TMEM131: variants seen among roughly 807,000 people sequenced by gnomAD.
TMEM131 encodes transmembrane protein 131, also known as 2610524E03Rik.
In TMEM131, 66 loss-of-function variants were observed where a neutral mutation model predicts 211.6. That is an observed-to-expected ratio of 0.31 (90% CI 0.26 to 0.38). The LOEUF (loss-of-function observed/expected upper bound fraction) is 0.38. TMEM131 is among the 10% of genes least tolerant of loss of function. The pLI is 1.00. For missense variants in TMEM131, 2,036 were observed against 2,299.3 expected, an observed-to-expected ratio of 0.89 and a Z score of 2.34; for synonymous variants, 844 against 841.3, an observed-to-expected ratio of 1.00 and a Z score of -0.06.
At chr2:97,883,388 G>C (rs755342440) in intron 4 of TMEM131, among the ~76,000 whole-genome samples, 14 of 152,028 alleles carry the variant, frequency 9.2e-5, no homozygotes, top group Non-Finnish European at 1.5e-4. Context: ...GCTTGTACTG[G>C]AGTTCATCTA....
At chr2:97,830,210 A>C (rs1272616262) in intron 11 of TMEM131, among the ~76,000 whole-genome samples, 1 of 152,000 alleles carries the variant, frequency 6.6e-6, no homozygotes, top group Non-Finnish European at 1.5e-5. Flanking sequence ...GCCAACAAAC[A>C]AACCCAAGAC....
At position 97,792,874 on chromosome 2, in the gene TMEM131, T is replaced by C. The variant is rs1559362206; in HGVS notation, c.3656A>G (p.His1219Arg). The C allele has an allele frequency of 1.9e-6, 3 of 1,613,632 alleles. No individual in the cohort carries two copies. The highest frequency in any genetic ancestry group is 2.5e-6 in the Non-Finnish European group (3 of 1,179,866). Residue 1219 changes from histidine to arginine, a missense_variant, in exon 31 of 41, where the codon CAC (histidine) becomes CGC (arginine). Physicochemically the swap from His to Arg is conservative, Grantham distance 29. This residue lies in a region of TMEM131 where 1,623 missense variants were observed against 1,805.9 expected (regional missense o/e 0.90). Coordinates refer to ENST00000186436, the MANE Select transcript of TMEM131 (RefSeq NM_015348.2). ...GSHKQCGPSV[H>R]PHSSHSNRNS... ...TCTATTGCTGTGACTGCTGTGTGGG[T>C]GGACCGATGGGCCACACTGCTTATG...
At chr2:97,924,624 C>G (rs911913895) in intron 2 of TMEM131, among the ~76,000 whole-genome samples, 2 of 152,140 alleles carry the variant, frequency 1.3e-5, no homozygotes, top group African/African-American at 4.8e-5. Flanking sequence ...CTGGTGAGGC[C>G]CAGGTGAGTT....
intron 1 of TMEM131, among the ~76,000 whole-genome samples, chr2:97,966,838 C>G (rs1413942403): frequency 6.6e-6 from 1 of 152,166 alleles, no homozygotes; most frequent in African/African-American, 2.4e-5. Context: ...CTCAAGGTCA[C>G]AGTCAAGCCC....
intron 12 of TMEM131, 132 bp downstream of exon 12, chr2:97,818,481 G>GGGGGGGGAAAAA: frequency 3.4e-6 from 1 of 292,102 alleles, no homozygotes. Context: ...GGCGGGGGGG[G>GGGGGGGGAAAAA]ATCAACCTAA....
intron 12 of TMEM131, among the ~76,000 whole-genome samples, chr2:97,817,449 C>T (rs6719556): frequency 0.75 from 113,845 of 151,738 alleles, 44,395 homozygotes; most frequent in African/African-American, 0.87. Context: ...TTAGCCGCCT[C>T]CTCCTCTGTA....
chr2:97,984,625 T>C (rs1366767049), intron 1 of TMEM131, among the ~76,000 whole-genome samples: 2 of 151,892 alleles, frequency 1.3e-5, no homozygotes, highest in East Asian at 1.9e-4. Context: ...TGAACTCTCT[T>C]GGAAATTAAA....
At position 97,772,286 on chromosome 2, in the gene TMEM131, A is replaced by G. The variant is rs775182334; in HGVS notation, c.4448+11T>C. 8 of 1,595,750 alleles carry G rather than the reference A, an allele frequency of 5.0e-6. No individual in the cohort carries two copies. In the African/African-American group the frequency reaches 8.2e-5, roughly 16 times the overall value. ...ATAGACCTTATTTCTCTGTACACTTATTTCTCTCACCTGGGTTTCACATCT... is the reference window on the plus strand; with the variant it reads ...ATAGACCTTATTTCTCTGTACACTTGTTTCTCTCACCTGGGTTTCACATCT... On this transcript the variant is annotated intron_variant, in intron 33 of 40. Coordinates refer to ENST00000186436, the MANE Select transcript of TMEM131 (RefSeq NM_015348.2).
At chr2:97,797,873 C>T (rs1680838643) in intron 25 of TMEM131, among the ~76,000 whole-genome samples, 1 of 152,216 alleles carries the variant, frequency 6.6e-6, no homozygotes. Flanking sequence ...ATCAGCTAGA[C>T]ACATTAGCAC....
intron 11 of TMEM131, among the ~76,000 whole-genome samples, chr2:97,820,359 G>A (rs1014462603): frequency 5.9e-5 from 9 of 152,180 alleles, no homozygotes; most frequent in Non-Finnish European, 1.2e-4. Flanking sequence ...AGTAGAGTTT[G>A]AACTGTAAGA....
chr2:97,760,955 A>G, intron 36 of TMEM131, 41 bp from the exon 37 acceptor site: 1 of 1,610,634 alleles, frequency 6.2e-7, no homozygotes, highest in Non-Finnish European at 8.5e-7. Context: ...CCTCATCAGC[A>G]GTGCCCTGTC....
chr2:97,885,487 C>T (rs1307752997), intron 4 of TMEM131, among the ~76,000 whole-genome samples: 2 of 152,114 alleles, frequency 1.3e-5, no homozygotes, highest in Non-Finnish European at 2.9e-5. Context: ...CGCGCCCGGC[C>T]GTTTGTGAAA....
intron 4 of TMEM131, among the ~76,000 whole-genome samples, chr2:97,882,607 G>C (rs911458605): frequency 6.6e-6 from 1 of 152,158 alleles, no homozygotes; most frequent in Non-Finnish European, 1.5e-5. Flanking sequence ...GTGCCCTTGG[G>C]GTTCCAGCCC....
At chr2:97,908,719 T>C (rs767218742) in intron 2 of TMEM131, 21 bp from the exon 3 acceptor site, 2 of 1,596,058 alleles carry the variant, frequency 1.3e-6, no homozygotes, top group Non-Finnish European at 1.7e-6. Context: ...AATAAAATAA[T>C]GATTAAAAAA....
chr2:97,910,145 T>C (rs1214769102), intron 2 of TMEM131, among the ~76,000 whole-genome samples: 1 of 152,084 alleles, frequency 6.6e-6, no homozygotes, highest in Non-Finnish European at 1.5e-5. Flanking sequence ...CACTAACCAT[T>C]AGGGAAATGC....
chr2:97,976,370 A>G lies in TMEM131; in HGVS notation c.187+19106T>C, dbSNP rs374581602. On this transcript the variant is annotated intron_variant, in intron 1 of 40. Coordinates refer to ENST00000186436, the MANE Select transcript of TMEM131 (RefSeq NM_015348.2). The stretch of plus-strand genomic sequence containing the variant: ...CAAGATCAACATAAAATTTACTTCT[A>G]TATACTAGCAATGAACCAGAAATTG... Among the ~76,000 whole-genome samples, 12 of 152,328 alleles carry G rather than the reference A, an allele frequency of 7.9e-5. No individual in the cohort carries two copies. In the East Asian group the frequency reaches 2.1e-3, roughly 27 times the overall value.
At position 97,794,988 on chromosome 2, in the gene TMEM131, C is replaced by T. The variant is rs778446290; in HGVS notation, c.3328G>A (p.Ala1110Thr). 5.6e-6 allele frequency: 9 copies of T among 1,612,228 alleles called. No individual in the cohort carries two copies. The highest frequency in any genetic ancestry group is 6.8e-6 in the Non-Finnish European group (8 of 1,179,032). Residue 1110 changes from alanine to threonine, a missense_variant, in exon 29 of 41, where the codon GCC (alanine) becomes ACC (threonine). Ala to Thr is a moderately conservative substitution (Grantham distance 58). Transcript: ENST00000186436. ...AGTTCCCAGTTAGGTCTGGGTAGGGCTTCTGCACAGGTTGCTAACATATGG... is the reference window on the plus strand; with the variant it reads ...AGTTCCCAGTTAGGTCTGGGTAGGGTTTCTGCACAGGTTGCTAACATATGG... ...PYHMLATCAE[A>T]LPRPNWELAL...
chr2:97,758,569 A>G (rs1483892197), intron 40 of TMEM131, among the ~76,000 whole-genome samples: 1 of 152,186 alleles, frequency 6.6e-6, no homozygotes, highest in Non-Finnish European at 1.5e-5. Flanking sequence ...CCATAGGCCT[A>G]TGGTCACCCT....
intron 5 of TMEM131, among the ~76,000 whole-genome samples, chr2:97,847,958 T>C (rs1573454330): frequency 6.6e-6 from 1 of 151,904 alleles, no homozygotes; most frequent in East Asian, 1.9e-4. Context: ...ATTTAGATGA[T>C]AAAGAAAGGA....
Sources: gnomAD v4.1 joint callset for allele counts (sites outside exome capture counted in the v4.1 genomes callset) on GRCh38, gnomAD v4.1.1 for gene constraint, gnomAD v4.1.1 regional missense constraint, MANE v1.5 for transcripts, NCBI Gene and HGNC (gene_info 2026-07-23, HGNC 2026-07-21) for gene names.